The following NLRP13 variants were observed in gnomAD, a reference collection of about 807,000 sequenced individuals.
NLRP13 encodes the protein NACHT, LRR and PYD domains-containing protein 13.
A neutral mutation model predicts 94.4 loss-of-function variants in NLRP13; 82 were observed. The ratio of observed to expected loss-of-function variants is 0.87; its 90% CI spans 0.73 to 1.04. The LOEUF is 1.04. NLRP13 is among the 50% of genes least tolerant of loss of function. The pLI, the probability that NLRP13 is intolerant of heterozygous loss-of-function variation, is 0.00. For missense variants in NLRP13, 1,426 were observed against 1,230.8 expected, an observed-to-expected ratio of 1.16 and a Z score of -2.37; for synonymous variants, 553 against 464.7, an observed-to-expected ratio of 1.19 and a Z score of -2.45.
downstream of NLRP13, chr19:55,892,181 AT>A: frequency 8.3e-7 from 1 of 1,200,770 alleles, no homozygotes; most frequent in Non-Finnish European, 1.0e-6. Flanking sequence ...GTAATTTTTA[AT>A]TTTTAAGGTT....
chr19:55,910,796 C>A, intron 5 of NLRP13, 63 bp from the exon 6 acceptor site: 2 of 1,342,978 alleles, frequency 1.5e-6, no homozygotes, highest in Non-Finnish European at 2.1e-6. Context: ...ACCCAGAATA[C>A]AACCTACGGG....
In NLRP13 at chr19:55,907,904, G is replaced by T. The variant is rs756655993; in HGVS notation, c.2335C>A (p.Gln779Lys). ...WVLQDLIIAL[Q>K]GNSKLTHLNF... Reference sequence around the variant, plus strand: ...AGATGGGTCAGCTTGCTGTTACCCTGAAGGGCAATAATGAGGTCCTGCAGA... The same window carrying T: ...AGATGGGTCAGCTTGCTGTTACCCTTAAGGGCAATAATGAGGTCCTGCAGA... Residue 779 changes from glutamine (Q) to lysine (K), a missense_variant, in exon 7 of 11, where the codon CAG (glutamine) becomes AAG (lysine). Physicochemically the swap from Gln to Lys is moderately conservative, Grantham distance 53. Transcript: ENST00000342929. 2.2e-5 allele frequency: 36 copies of T among 1,613,380 alleles called. No individual in the cohort carries two copies. The highest frequency in any genetic ancestry group is 3.0e-5 in the Non-Finnish European group (35 of 1,179,662).
At chr19:55,900,890 A>T (rs1215171381) in intron 9 of NLRP13, among the ~76,000 whole-genome samples, 1 of 152,126 alleles carries the variant, frequency 6.6e-6, no homozygotes, top group Non-Finnish European at 1.5e-5. Flanking sequence ...TAATTGTTGA[A>T]GTTCGAGCAT....
intron 6 of NLRP13, among the ~76,000 whole-genome samples, chr19:55,909,218 C>T (rs1986437572): frequency 6.6e-6 from 1 of 152,130 alleles, no homozygotes; most frequent in African/African-American, 2.4e-5. Flanking sequence ...ATACAAGGTC[C>T]ACCTCCATTT....
intron 9 of NLRP13, among the ~76,000 whole-genome samples, chr19:55,899,648 C>T (rs551085466): frequency 3.6e-4 from 55 of 152,142 alleles, no homozygotes; most frequent in Middle Eastern, 3.4e-3. Flanking sequence ...GGCGTGGTGG[C>T]GGGTGCCTGC....
intron 1 of NLRP13, 87 bp from the exon 2 acceptor site, chr19:55,925,122 C>T (rs1385720749): frequency 2.5e-6 from 3 of 1,180,122 alleles, no homozygotes; most frequent in Non-Finnish European, 3.8e-6. Context: ...GAACCAACTC[C>T]TTCTATGACA....
intron 9 of NLRP13, among the ~76,000 whole-genome samples, chr19:55,900,493 C>A (rs1455848387): frequency 1.3e-5 from 2 of 152,052 alleles, no homozygotes; most frequent in Admixed American, 6.6e-5. Context: ...AGAACCAGGC[C>A]AGGCGCGGTG....
intron 4 of NLRP13, among the ~76,000 whole-genome samples, chr19:55,923,680 C>T (rs538246615): frequency 5.9e-4 from 90 of 152,334 alleles, no homozygotes; most frequent in Middle Eastern, 3.4e-3. Context: ...TGCTCTTTCA[C>T]TGGATATCTG....
chr19:55,902,988 T>C (rs1986232162), intron 8 of NLRP13, among the ~76,000 whole-genome samples: 1 of 150,762 alleles, frequency 6.6e-6, no homozygotes, highest in Non-Finnish European at 1.5e-5. Flanking sequence ...GTAATATTAG[T>C]CATAATTATA....
intron 3 of NLRP13, among the ~76,000 whole-genome samples, chr19:55,924,274 C>A (rs182347365): frequency 6.6e-6 from 1 of 152,092 alleles, no homozygotes; most frequent in Non-Finnish European, 1.5e-5. Flanking sequence ...AGGCACACAC[C>A]ACCAGGCCTG....
chr19:55,912,547 C>A lies in NLRP13; in HGVS notation c.1270G>T (p.Ala424Ser). ...KNETLFHSCS[A>S]PMVCWTVCSC... ...CATACGGTCCAACACACCATGGGGGCACTGCAGGAATGAAAGAGAGTTTCG... is the reference window on the plus strand; with the variant it reads ...CATACGGTCCAACACACCATGGGGGAACTGCAGGAATGAAAGAGAGTTTCG... Residue 424 changes from alanine (A) to serine (S), a missense_variant, in exon 5 of 11, where the codon GCC (alanine) becomes TCC (serine). By Grantham distance (99) the Ala-to-Ser change is moderately conservative. Transcript: ENST00000342929. 6.2e-7 allele frequency: 1 copy of A among 1,614,092 alleles called. No individual in the cohort carries two copies. Among genetic ancestry groups the A allele is most frequent in the Non-Finnish European group, 8.5e-7 (1 of 1,179,984 alleles).
chr19:55,911,910 AG>A lies in NLRP13; in HGVS notation c.1906del (p.Leu636TyrfsTer43), dbSNP rs1986526843. The stretch of plus-strand genomic sequence containing the variant: ...CTCGTGTAGGCAGTGAAAAAGTCGT[AG>A]AATGTGAAATTGGAGAGAGGCACTT... ...AESASLQFHI[L>X]RLFHCLHESQ... On this transcript the variant is annotated frameshift_variant, in exon 5 of 11. Transcript: ENST00000342929. LOFTEE classifies it high-confidence loss of function. 1.2e-6 allele frequency: 2 copies of A among 1,614,084 alleles called. No individual in the cohort carries two copies. Among genetic ancestry groups the A allele is most frequent in the African/African-American group, 2.7e-5 (2 of 74,930 alleles).
downstream of NLRP13, among the ~76,000 whole-genome samples, chr19:55,894,748 T>C (rs1414998609): frequency 1.3e-5 from 2 of 152,178 alleles, no homozygotes; most frequent in African/African-American, 4.8e-5. Context: ...GTCCGTTTGT[T>C]TCCCCCCTGT....
chr19:55,922,050 A>G (rs899450625), intron 4 of NLRP13, among the ~76,000 whole-genome samples: 2 of 152,168 alleles, frequency 1.3e-5, no homozygotes, highest in Non-Finnish European at 2.9e-5. Context: ...GCAAAGCAGG[A>G]GCAAAGACAC....
downstream of NLRP13, chr19:55,892,094 C>T (rs2123092407): frequency 8.1e-7 from 1 of 1,231,936 alleles, no homozygotes; most frequent in East Asian, 3.2e-5. Context: ...TCTCCTCTCT[C>T]ACTACATTGT....
intron 6 of NLRP13, among the ~76,000 whole-genome samples, chr19:55,909,200 T>A (rs1455084417): frequency 2.0e-5 from 3 of 152,174 alleles, no homozygotes; most frequent in Non-Finnish European, 4.4e-5. Context: ...CCCCCCGGCT[T>A]AATTGTTATA....
chr19:55,913,968 C>T (rs750205506), intron 4 of NLRP13, among the ~76,000 whole-genome samples: 10 of 152,190 alleles, frequency 6.6e-5, no homozygotes, highest in Non-Finnish European at 1.5e-4. Context: ...GGGATTTGGG[C>T]AGGTCAGAGT....
At chr19:55,893,598 A>T (rs1208587439), downstream of NLRP13, among the ~76,000 whole-genome samples, 3 of 152,238 alleles carry the variant, frequency 2.0e-5, no homozygotes, top group Non-Finnish European at 4.4e-5. Flanking sequence ...TTCCATAGAG[A>T]AAAGGCACAA....
At chr19:55,920,770 A>G (rs1298431310) in intron 4 of NLRP13, among the ~76,000 whole-genome samples, 1 of 152,158 alleles carries the variant, frequency 6.6e-6, no homozygotes, top group East Asian at 1.9e-4. Context: ...TCTAAGAAAA[A>G]AAAATCATAT....
Sources: allele counts gnomAD v4.1 joint callset (sites outside exome capture counted in the v4.1 genomes callset), GRCh38; gene constraint gnomAD v4.1.1; transcripts MANE v1.5; gene names NCBI Gene and HGNC (gene_info 2026-07-23, HGNC 2026-07-21).